Variants in TIAM2 observed in about 807,000 individuals in gnomAD.
The protein encoded by TIAM2 is rho guanine nucleotide exchange factor TIAM2.
TIAM2 carries 80 observed loss-of-function variants against 152.9 expected under a neutral mutation model. The observed-to-expected ratio is 0.52, with a 90% confidence interval of 0.44 to 0.63. The LOEUF (loss-of-function observed/expected upper bound fraction) is 0.63. TIAM2 is among the 30% of genes least tolerant of loss of function. The pLI is 0.00. For missense variants in TIAM2, 1,965 were observed against 2,120.1 expected (o/e 0.93, Z 1.44); for synonymous variants, 804 against 838.0 (o/e 0.96, Z 0.70).
At chr6:155,237,059 C>T (rs761279123) in intron 15 of TIAM2, among the ~76,000 whole-genome samples, 97 of 152,334 alleles carry the variant, frequency 6.4e-4, no homozygotes, top group Middle Eastern at 3.4e-3. Context: ...AAGGCAAGTC[C>T]CTTCCACCTA....
At chr6:155,013,240 G>GCTTAGC (rs1778517858) in intron 1 of TIAM2, among the ~76,000 whole-genome samples, 7 of 152,146 alleles carry the variant, frequency 4.6e-5, no homozygotes, top group Admixed American at 4.6e-4. Context: ...CTGCAGGTGT[G>GCTTAGC]TGTGCCATAG....
At chr6:155,138,428 C>A (rs1012193008) in intron 5 of TIAM2, among the ~76,000 whole-genome samples, 2 of 147,780 alleles carry the variant, frequency 1.4e-5, no homozygotes, top group Non-Finnish European at 1.5e-5. Flanking sequence ...CAAGTGCAGC[C>A]GTCTTTTTTT....
At chr6:155,004,712 T>C (rs1778371419) in intron 1 of TIAM2, 1 of 152,270 alleles carries the variant, frequency 6.6e-6, no homozygotes, top group Non-Finnish European at 1.5e-5. Flanking sequence ...CCATCTTTTT[T>C]TCCAAGTCTG....
chr6:155,024,522 GAGA>G (rs1285484487), intron 1 of TIAM2, among the ~76,000 whole-genome samples: 3 of 152,042 alleles, frequency 2.0e-5, no homozygotes, highest in East Asian at 1.9e-4. Flanking sequence ...TTCTTTGTAG[GAGA>G]AGAAGATCCT....
intron 1 of TIAM2, among the ~76,000 whole-genome samples, chr6:155,028,237 A>AAT (rs1389987036): frequency 1.6e-5 from 2 of 121,468 alleles, no homozygotes; most frequent in African/African-American, 6.3e-5. Context: ...TACTACATAT[A>AAT]ATATATGTAC....
chr6:155,132,845 G>A (rs1397725665), intron 4 of TIAM2, among the ~76,000 whole-genome samples: 3 of 152,112 alleles, frequency 2.0e-5, no homozygotes, highest in Non-Finnish European at 4.4e-5. Context: ...GCTTACACGC[G>A]GCTCTAGTGA....
intron 1 of TIAM2, among the ~76,000 whole-genome samples, chr6:155,072,552 G>C (rs1020619566): frequency 6.6e-6 from 1 of 152,140 alleles, no homozygotes; most frequent in African/African-American, 2.4e-5. Flanking sequence ...GCACAGAAAG[G>C]GGGGCCAGGT....
chr6:155,183,372 C>G lies in TIAM2; in HGVS notation c.2936C>G (p.Ala979Gly), dbSNP rs1780957985. 1.9e-6 allele frequency: 3 copies of G among 1,613,304 alleles called. No individual in the cohort carries two copies. The East Asian group carries it at 6.7e-5, about 36-fold the overall frequency. ...ATTGCCCGGCCTCCGGACACAAAAGCAACCCTGTGTACATCCTGGTCAGAC... is the reference window on the plus strand; with the variant it reads ...ATTGCCCGGCCTCCGGACACAAAAGGAACCCTGTGTACATCCTGGTCAGAC... ...TLIARPPDTK[A>G]TLCTSWSDSD... Residue 979 changes from alanine (A) to glycine (G), a missense_variant, in exon 14 of 27, where the codon GCA becomes GGA. Coordinates refer to ENST00000682666, the MANE Select transcript of TIAM2 (RefSeq NM_012454.4).
intron 14 of TIAM2, among the ~76,000 whole-genome samples, chr6:155,195,890 G>A (rs532949938): frequency 1.3e-5 from 2 of 152,378 alleles, no homozygotes; most frequent in South Asian, 2.1e-4. Flanking sequence ...CAAGGGAAGA[G>A]CAGAGCAGTG....
rs113217879 is a variant in TIAM2 at position 155,038,308 on chromosome 6, G to A, written c.-209+42816G>A. On this transcript the variant is annotated intron_variant, in intron 1 of 26. Transcript: ENST00000682666. ...TCTGGTTGGCCTGCCCTGCCCTCCT[G>A]CTCCTTCCCCCAGATGGGATGCCTG... Among the ~76,000 whole-genome samples, 134 of 152,294 alleles carry A rather than the reference G, an allele frequency of 8.8e-4. No individual in the cohort carries two copies. In the Middle Eastern group the frequency reaches 0.01, roughly 12 times the overall value.
intron 1 of TIAM2, among the ~76,000 whole-genome samples, chr6:155,014,513 A>G (rs985472006): frequency 6.6e-6 from 1 of 152,152 alleles, no homozygotes; most frequent in Non-Finnish European, 1.5e-5. Context: ...AATATCTGAT[A>G]CATGAAACTC....
intron 1 of TIAM2, among the ~76,000 whole-genome samples, chr6:155,036,004 A>G (rs1452152403): frequency 6.6e-6 from 1 of 152,066 alleles, no homozygotes; most frequent in African/African-American, 2.4e-5. Flanking sequence ...TTTTGGGTAA[A>G]TCTTTCTGGA....
At position 155,137,045 on chromosome 6, in the gene TIAM2, T is replaced by C. The variant is rs993238965; in HGVS notation, c.1195-132T>C. The C allele has an allele frequency of 7.3e-6, 7 of 953,082 alleles. No homozygotes were observed. In the African/African-American group the frequency reaches 1.2e-4, roughly 16 times the overall value. 59.0% of individuals were successfully genotyped at this position (953,082 alleles called of 1,614,324 possible). On this transcript the variant is annotated intron_variant, in intron 4 of 26. Coordinates refer to ENST00000682666, the MANE Select transcript of TIAM2 (RefSeq NM_012454.4). ...TATGAAGACTTGATGGTTAAAGATGTATTTTTGTTACAAGAATCTTGCTTT... is the reference window on the plus strand; with the variant it reads ...TATGAAGACTTGATGGTTAAAGATGCATTTTTGTTACAAGAATCTTGCTTT...
rs9384298 is a variant in TIAM2 at position 155,218,650 on chromosome 6, C to T, written c.3168+7343C>T. 0.15 allele frequency among the ~76,000 whole-genome samples: 22,789 copies of T among 152,106 alleles called. 1,989 individuals are homozygous for T. Among genetic ancestry groups the T allele is most frequent in the East Asian group, 0.35 (1,792 of 5,146 alleles). On this transcript the variant is annotated intron_variant, in intron 15 of 26. Coordinates refer to ENST00000682666, the MANE Select transcript of TIAM2 (RefSeq NM_012454.4). The surrounding 1 kb of genome is among the most constrained non-coding windows in gnomAD (Gnocchi z 4.5). ...TAAGCTGCCCCTTCCTGGTGCGTCT[C>T]CCATGTATACGTGTGTGTGTGAAGG...
At chr6:155,082,081 C>T (rs1204879460) in intron 1 of TIAM2, among the ~76,000 whole-genome samples, 1 of 152,178 alleles carries the variant, frequency 6.6e-6, no homozygotes, top group Non-Finnish European at 1.5e-5. Flanking sequence ...CAGTCGCTTA[C>T]ACCTGTAATC....
intron 2 of TIAM2, among the ~76,000 whole-genome samples, chr6:155,091,793 A>G (rs1184517996): frequency 3.3e-5 from 5 of 152,224 alleles, no homozygotes; most frequent in Admixed American, 3.3e-4. Flanking sequence ...TACTGCTGAA[A>G]TACACTATTT....
chr6:155,148,078 T>G, intron 6 of TIAM2, 32 bp from the exon 7 acceptor site: 1 of 1,610,228 alleles, frequency 6.2e-7, no homozygotes. Context: ...GTAAAATGAT[T>G]CGAAACAGGC....
intron 1 of TIAM2, among the ~76,000 whole-genome samples, chr6:155,029,344 A>ATATATAC (rs1776740898): frequency 2.7e-5 from 2 of 74,032 alleles, no homozygotes; most frequent in Admixed American, 1.8e-4. Flanking sequence ...GTTATATATA[A>ATATATAC]TATATATACG....
intron 1 of TIAM2, among the ~76,000 whole-genome samples, chr6:155,002,863 G>T (rs573629349): frequency 0.015 from 2,177 of 148,108 alleles, 61 homozygotes; most frequent in African/African-American, 0.051. Flanking sequence ...GTGTGTGTGT[G>T]TTTTTTTTTT....
Sources: gnomAD v4.1 joint callset for allele counts (sites outside exome capture counted in the v4.1 genomes callset) on GRCh38, gnomAD v4.1.1 for gene constraint, Gnocchi (gnomAD v3.1) non-coding constraint, MANE v1.5 for transcripts, NCBI Gene and HGNC (gene_info 2026-07-23, HGNC 2026-07-21) for gene names.